TMOD1: variants seen among roughly 807,000 people sequenced by gnomAD.
TMOD1 encodes the protein tropomodulin-1.
TMOD1 carries 17 observed loss-of-function variants against 40.6 expected under a neutral mutation model. That is an observed-to-expected ratio of 0.42 (90% CI 0.29 to 0.63). The LOEUF is 0.63. Ranked by LOEUF, TMOD1 falls within the 20% of genes least tolerant of loss-of-function variation. TMOD1 has a pLI of 0.22. For synonymous variants in TMOD1, 181 were observed against 175.0 expected, an observed-to-expected ratio of 1.03 and a Z score of -0.27; for missense variants, 391 against 447.6, an observed-to-expected ratio of 0.87 and a Z score of 1.14.
chr9:97,599,131 C>T (rs975773972), intron 9 of TMOD1, among the ~76,000 whole-genome samples: 2 of 152,082 alleles, frequency 1.3e-5, no homozygotes, highest in East Asian at 1.9e-4. Flanking sequence ...GTCTTGCCCC[C>T]GGGGAAAATG....
At chr9:97,555,306 C>T (rs554356492) in intron 4 of TMOD1, 136 of 1,040,944 alleles carry the variant, frequency 1.3e-4, no homozygotes, top group Non-Finnish European at 1.5e-4. Flanking sequence ...TGCCTTGGTG[C>T]GGCATCTCCA....
intron 1 of TMOD1, among the ~76,000 whole-genome samples, chr9:97,507,780 C>T (rs1410617799): frequency 1.3e-5 from 2 of 151,940 alleles, no homozygotes; most frequent in African/African-American, 4.8e-5. Context: ...AAGGGGGGGA[C>T]AAGATGAATG....
Position 97,553,468 on chromosome 9 carries a change from G to A in TMOD1, c.397+68G>A, listed in dbSNP as rs1014267877. 1.6e-5 allele frequency: 26 copies of A among 1,598,888 alleles called. No homozygotes were observed. The East Asian group carries it at 5.6e-4, about 35-fold the overall frequency. On this transcript the variant is annotated intron_variant, in intron 4 of 9. Transcript: ENST00000259365. ...TTGACCCACATCTGCAGGGAGCCTT[G>A]TAGGGCTCATTTCAGCATGAACACC...
At chr9:97,543,666 G>C (rs969295383) in intron 2 of TMOD1, among the ~76,000 whole-genome samples, 1 of 152,218 alleles carries the variant, frequency 6.6e-6, no homozygotes, top group Non-Finnish European at 1.5e-5. Flanking sequence ...GTGAAGTGCA[G>C]GCATGTCACA....
chr9:97,561,557 C>T (rs1830640747), intron 4 of TMOD1, among the ~76,000 whole-genome samples: 1 of 152,244 alleles, frequency 6.6e-6, no homozygotes, highest in Non-Finnish European at 1.5e-5. Context: ...AAAGTGTCTT[C>T]CCTGGCCCAG....
chr9:97,575,918 C>G (rs1391095501), intron 8 of TMOD1, among the ~76,000 whole-genome samples: 1 of 152,200 alleles, frequency 6.6e-6, no homozygotes, highest in African/African-American at 2.4e-5. Context: ...TTTGTCAGAG[C>G]AGTCTCAATT....
intron 8 of TMOD1, among the ~76,000 whole-genome samples, chr9:97,589,732 C>A (rs926850744): frequency 1.3e-5 from 2 of 151,822 alleles, no homozygotes; most frequent in South Asian, 4.2e-4. Flanking sequence ...CTGTCTAGAC[C>A]CCCCCAGTAA....
chr9:97,520,437 C>T (rs1829896750), intron 1 of TMOD1, among the ~76,000 whole-genome samples: 1 of 152,164 alleles, frequency 6.6e-6, no homozygotes, highest in Admixed American at 6.5e-5. Flanking sequence ...TTTTCGCCTC[C>T]CTCCCACCCT....
chr9:97,524,497 G>GGGGTGTGTGTGTGTGTGT (rs561183211), intron 2 of TMOD1, among the ~76,000 whole-genome samples, 189 bp downstream of exon 2: 1 of 142,936 alleles, frequency 7.0e-6, no homozygotes, highest in African/African-American at 2.7e-5. Context: ...GAACCAATAG[G>GGGGTGTGTGTGTGTGTGT]GTGTGTGTGT....
intron 2 of TMOD1, 57 bp downstream of exon 2, chr9:97,524,365 C>A: frequency 6.4e-7 from 1 of 1,574,036 alleles, no homozygotes; most frequent in Non-Finnish European, 8.6e-7. Context: ...TGGGGAGGGA[C>A]AGGTGGATGC....
rs1235829530 is a variant in TMOD1 at position 97,546,255 on chromosome 9, G to C, written c.191G>C (p.Arg64Thr). The part of the protein sequence containing the change: ...TTKAPTGPFK[R>T]EELLDHLEKQ... ...AAGGCGCCCACGGGCCCCTTTAAAAGAGAGGAGCTCTTGGATCACTTGGAA... is the reference window on the plus strand; with the variant it reads ...AAGGCGCCCACGGGCCCCTTTAAAACAGAGGAGCTCTTGGATCACTTGGAA... Residue 64 changes from arginine (R) to threonine (T), a missense_variant, in exon 3 of 10, where the codon AGA (arginine) becomes ACA (threonine). Physicochemically the swap from Arg to Thr is moderately conservative, Grantham distance 71. Coordinates refer to ENST00000259365, the MANE Select transcript of TMOD1 (RefSeq NM_003275.4). 6.2e-7 allele frequency: 1 copy of C among 1,614,066 alleles called. No individual in the cohort carries two copies. The highest frequency in any genetic ancestry group is 1.3e-5 in the African/African-American group (1 of 75,038).
intron 2 of TMOD1, among the ~76,000 whole-genome samples, chr9:97,529,896 A>G (rs940945235): frequency 2.6e-5 from 4 of 152,240 alleles, no homozygotes; most frequent in Non-Finnish European, 5.9e-5. Context: ...GCAAAGCCCT[A>G]CGTGGATTAT....
At chr9:97,524,112 T>G in intron 1 of TMOD1, 29 bp from the exon 2 acceptor site, 1 of 1,513,080 alleles carries the variant, frequency 6.6e-7, no homozygotes, top group Non-Finnish European at 8.9e-7. Flanking sequence ...CTGAGACGGG[T>G]CTTTCTAAGG....
intron 1 of TMOD1, among the ~76,000 whole-genome samples, chr9:97,505,640 A>G (rs1289535527): frequency 6.6e-6 from 1 of 151,148 alleles, no homozygotes; most frequent in East Asian, 2.0e-4. Flanking sequence ...CACTCCCACG[A>G]CTCCAGTCAC....
At chr9:97,581,188 C>A (rs1337089901) in intron 8 of TMOD1, among the ~76,000 whole-genome samples, 1 of 127,240 alleles carries the variant, frequency 7.9e-6, no homozygotes, top group African/African-American at 3.0e-5. Flanking sequence ...TGTTCCCCTT[C>A]CTGTGTCCAT....
chr9:97,546,233 G>A lies in TMOD1; in HGVS notation c.169G>A (p.Ala57Thr). ...GLRQKDQTTK[A>T]PTGPFKREEL... ...GAGGCAGAAGGATCAGACCACCAAG[G>A]CGCCCACGGGCCCCTTTAAAAGAGA... Residue 57 changes from alanine to threonine, a missense_variant, in exon 3 of 10, where the codon GCG (alanine) becomes ACG (threonine). By Grantham distance (58) the Ala-to-Thr change is moderately conservative. Transcript: ENST00000259365. The A allele has an allele frequency of 1.9e-6, 3 of 1,613,922 alleles. No homozygotes were observed. The highest frequency in any genetic ancestry group is 2.5e-6 in the Non-Finnish European group (3 of 1,179,998).
intron 8 of TMOD1, among the ~76,000 whole-genome samples, chr9:97,581,082 G>A (rs1825741348): frequency 6.8e-6 from 1 of 147,448 alleles, no homozygotes; most frequent in African/African-American, 2.5e-5. Context: ...CCATGCTGGT[G>A]CGCTGCACCC....
At chr9:97,527,162 A>G (rs968214615) in intron 2 of TMOD1, among the ~76,000 whole-genome samples, 6 of 152,356 alleles carry the variant, frequency 3.9e-5, no homozygotes, top group African/African-American at 1.4e-4. Flanking sequence ...TAGGCAAGAA[A>G]AAAATCAAGC....
At chr9:97,598,978 T>TA in intron 9 of TMOD1, among the ~76,000 whole-genome samples, 1 of 152,286 alleles carries the variant, frequency 6.6e-6, no homozygotes, top group African/African-American at 2.4e-5. Flanking sequence ...TCTCCCTTGT[T>TA]ACAACAAACA....
Sources: gnomAD v4.1 joint callset for allele counts (sites outside exome capture counted in the v4.1 genomes callset) on GRCh38, gnomAD v4.1.1 for gene constraint, MANE v1.5 for transcripts, NCBI Gene and HGNC (gene_info 2026-07-23, HGNC 2026-07-21) for gene names.